Variants in CACNA1C observed in about 807,000 individuals in gnomAD.
CACNA1C encodes the protein voltage-dependent L-type calcium channel subunit alpha-1C.
A neutral mutation model predicts 229.0 loss-of-function variants in CACNA1C; 30 were observed. The ratio of observed to expected loss-of-function variants is 0.13; its 90% confidence interval spans 0.10 to 0.18. The LOEUF (loss-of-function observed/expected upper bound fraction) is 0.18. CACNA1C is among the 10% of genes least tolerant of loss of function. The pLI is 1.00. For missense variants in CACNA1C, 1,658 were observed against 2,845.0 expected (o/e 0.58, Z 9.49); for synonymous variants, 1,114 against 1,132.5 (o/e 0.98, Z 0.33).
At chr12:2,565,285 G>C (rs976216479) in intron 11 of CACNA1C, among the ~76,000 whole-genome samples, 6 of 151,686 alleles carry the variant, frequency 4.0e-5, no homozygotes, top group Non-Finnish European at 7.4e-5. Flanking sequence ...TGGCTAACAA[G>C]GTGAAACCCG....
At chr12:2,128,876 G>A (rs1023427358) in intron 3 of CACNA1C, among the ~76,000 whole-genome samples, 2 of 152,190 alleles carry the variant, frequency 1.3e-5, no homozygotes, top group African/African-American at 4.8e-5. Flanking sequence ...TTCAATAGAT[G>A]AGCACACACA....
intron 3 of CACNA1C, among the ~76,000 whole-genome samples, chr12:2,368,004 CAGTT>C (rs1393772190): frequency 1.5e-4 from 23 of 152,116 alleles, no homozygotes; most frequent in African/African-American, 2.7e-4. Context: ...ATTGGATTCA[CAGTT>C]AGGTAAGACA....
At chr12:2,515,586 C>T (rs1359295319) in intron 9 of CACNA1C, among the ~76,000 whole-genome samples, 1 of 152,222 alleles carries the variant, frequency 6.6e-6, no homozygotes, top group East Asian at 1.9e-4. Flanking sequence ...AGGCCGATCA[C>T]TCTTCATCAG....
intron 1 of CACNA1C, among the ~76,000 whole-genome samples, chr12:2,008,734 CA>C (rs1201036938): frequency 6.6e-6 from 1 of 152,024 alleles, no homozygotes; most frequent in Non-Finnish European, 1.5e-5. Flanking sequence ...AACTTTCAAA[CA>C]AAAAACTCTT....
intron 3 of CACNA1C, among the ~76,000 whole-genome samples, chr12:2,326,265 G>A (rs1029039441): frequency 3.3e-5 from 5 of 152,158 alleles, no homozygotes. Flanking sequence ...CATTCAGAGG[G>A]AACGCGCTGA....
chr12:2,083,988 T>G (rs950662026), intron 1 of CACNA1C, among the ~76,000 whole-genome samples: 1 of 152,218 alleles, frequency 6.6e-6, no homozygotes, highest in Non-Finnish European at 1.5e-5. Context: ...AGGTGTGTTG[T>G]TTTCATAAAA....
At chr12:2,223,308 A>G (rs1359605431) in intron 3 of CACNA1C, 3 of 152,222 alleles carry the variant, frequency 2.0e-5, no homozygotes, top group Admixed American at 2.0e-4. Flanking sequence ...CCAACTGCAG[A>G]GGTTTATTTC....
chr12:2,242,874 G>A (rs2071185210), intron 3 of CACNA1C, among the ~76,000 whole-genome samples: 1 of 152,198 alleles, frequency 6.6e-6, no homozygotes, highest in African/African-American at 2.4e-5. Flanking sequence ...ATCCTCAAAA[G>A]AACCCTGTGT....
intron 9 of CACNA1C, among the ~76,000 whole-genome samples, chr12:2,519,280 T>C (rs2099804743): frequency 6.6e-6 from 1 of 152,222 alleles, no homozygotes; most frequent in East Asian, 1.9e-4. Flanking sequence ...TCATGGCACA[T>C]ATGAGTCACA....
intron 3 of CACNA1C, among the ~76,000 whole-genome samples, chr12:2,249,004 A>G (rs1233131801): frequency 1.3e-5 from 2 of 152,222 alleles, no homozygotes; most frequent in Non-Finnish European, 2.9e-5. Flanking sequence ...TATTATGGCC[A>G]TGCTTGACTG....
chr12:2,610,335 T>G (rs1381624198), intron 27 of CACNA1C, among the ~76,000 whole-genome samples: 1 of 152,122 alleles, frequency 6.6e-6, no homozygotes, highest in Admixed American at 6.5e-5. Flanking sequence ...CTCTCCTTGA[T>G]TAAGGGGGCC....
Position 2,425,604 on chromosome 12 carries a change from C to T in CACNA1C, c.478-23372C>T, listed in dbSNP as rs530356416. Among the ~76,000 whole-genome samples, 4 of 152,342 alleles carry T rather than the reference C, an allele frequency of 2.6e-5. No individual in the cohort carries two copies. In the South Asian group the frequency reaches 8.3e-4, roughly 32 times the overall value. ...GATTAAACCATGAGAGCAGGGAACC[C>T]TGGTCCTTACCTTTACAATATAACC... On this transcript the variant is annotated intron_variant, in intron 3 of 46. Coordinates refer to ENST00000399655, the MANE Select transcript of CACNA1C (RefSeq NM_000719.7).
intron 3 of CACNA1C, among the ~76,000 whole-genome samples, chr12:2,150,684 C>T (rs2095164815): frequency 6.6e-6 from 1 of 152,150 alleles, no homozygotes; most frequent in Non-Finnish European, 1.5e-5. Context: ...GCAATGAATA[C>T]TTATTTACAT....
Position 2,517,632 on chromosome 12 carries a change from C to T in CACNA1C, c.1390+4648C>T, listed in dbSNP as rs566307395. Among the ~76,000 whole-genome samples, 6 of 152,306 alleles carry T rather than the reference C, an allele frequency of 3.9e-5. No homozygotes were observed. In the South Asian group the frequency reaches 8.3e-4, roughly 21 times the overall value. ...AAAGACTAGGATAATGTTGAGGTCT[C>T]CCCACTCTAGTGACTGCTTCTCCCC... On this transcript the variant is annotated intron_variant, in intron 9 of 46. Coordinates refer to ENST00000399655, the MANE Select transcript of CACNA1C (RefSeq NM_000719.7).
At chr12:2,414,922 T>C (rs1369199897) in intron 3 of CACNA1C, among the ~76,000 whole-genome samples, 2 of 152,114 alleles carry the variant, frequency 1.3e-5, no homozygotes, top group African/African-American at 4.8e-5. Flanking sequence ...GCCAGTTCTT[T>C]TCCCAGGGGA....
chr12:2,265,629 G>T (rs2082110453), intron 3 of CACNA1C, among the ~76,000 whole-genome samples: 1 of 152,260 alleles, frequency 6.6e-6, no homozygotes, highest in Non-Finnish European at 1.5e-5. Context: ...GGGTGACGCT[G>T]TGCAGTGGTT....
chr12:2,534,328 G>A (rs1050739420), intron 9 of CACNA1C, among the ~76,000 whole-genome samples: 1 of 152,278 alleles, frequency 6.6e-6, no homozygotes, highest in South Asian at 2.1e-4. Flanking sequence ...AGTGAAAGCG[G>A]ATTGCCAAGG....
intron 34 of CACNA1C, among the ~76,000 whole-genome samples, chr12:2,663,893 C>T (rs954572948): frequency 2.0e-5 from 3 of 152,046 alleles, no homozygotes; most frequent in African/African-American, 4.8e-5. Flanking sequence ...AGGCGCCCAC[C>T]ACCGCGCCCG....
chr12:2,153,302 CT>C (rs1013606683), intron 3 of CACNA1C, among the ~76,000 whole-genome samples: 4 of 148,640 alleles, frequency 2.7e-5, no homozygotes, highest in African/African-American at 4.9e-5. Flanking sequence ...ATGGAGGCTA[CT>C]TTTTTTTTTA....
Sources: allele counts gnomAD v4.1 joint callset (sites outside exome capture counted in the v4.1 genomes callset), GRCh38; gene constraint gnomAD v4.1.1; transcripts MANE v1.5; gene names NCBI Gene and HGNC (gene_info 2026-07-23, HGNC 2026-07-21).